Variants in LOC128092252 observed in about 807,000 individuals in gnomAD.
the LOC128092252 span, among the ~76,000 whole-genome samples, chr15:50,649,599 T>A: frequency 6.6e-6 from 1 of 152,124 alleles, no homozygotes; most frequent in Non-Finnish European, 1.5e-5. Context: ...ATTCCACGTA[T>A]ACAAAATTCA....
chr15:50,669,860 C>T, the LOC128092252 span, among the ~76,000 whole-genome samples: 2 of 152,146 alleles, frequency 1.3e-5, no homozygotes. Context: ...TCAGCGATCC[C>T]TTATCAGCAT....
chr15:50,658,111 T>C, the LOC128092252 span, among the ~76,000 whole-genome samples: 1 of 150,320 alleles, frequency 6.7e-6, no homozygotes, highest in African/African-American at 2.4e-5. Context: ...TTCACACCAC[T>C]CTCCTGCCTC....
chr15:50,663,886 C>T, the LOC128092252 span, among the ~76,000 whole-genome samples: 5 of 151,998 alleles, frequency 3.3e-5, no homozygotes, highest in African/African-American at 7.3e-5. Context: ...TCGCCTAAGC[C>T]GAGGAGGCTG....
At chr15:50,648,873 A>T in the LOC128092252 span, 1 of 1,606,728 alleles carries the variant, frequency 6.2e-7, no homozygotes, top group Middle Eastern at 1.7e-4. Flanking sequence ...TGACCAAGCG[A>T]CCACAAAAAC....
chr15:50,676,667 T>C, the LOC128092252 span, among the ~76,000 whole-genome samples: 1 of 152,052 alleles, frequency 6.6e-6, no homozygotes, highest in Non-Finnish European at 1.5e-5. Context: ...AGGAATGGTA[T>C]TGAGTGAGTT....
At chr15:50,673,077 A>C in the LOC128092252 span, among the ~76,000 whole-genome samples, 4 of 152,064 alleles carry the variant, frequency 2.6e-5, no homozygotes, top group Admixed American at 6.6e-5. Context: ...TTTATTATTG[A>C]ATAAAAAAAT....
the LOC128092252 span, among the ~76,000 whole-genome samples, chr15:50,668,292 T>A: frequency 2.6e-5 from 4 of 152,354 alleles, no homozygotes; most frequent in African/African-American, 9.6e-5. Context: ...TGGACTGAAT[T>A]AATGTAAGAC....
At chr15:50,662,864 T>A in the LOC128092252 span, 48 of 841,176 alleles carry the variant, frequency 5.7e-5, no homozygotes, top group Non-Finnish European at 7.7e-6. Flanking sequence ...TAACAGTAAG[T>A]ACAAATAATT....
chr15:50,666,495 C>T, the LOC128092252 span, among the ~76,000 whole-genome samples: 17 of 151,466 alleles, frequency 1.1e-4, no homozygotes, highest in Middle Eastern at 3.4e-3. Context: ...AAGAAGAAAA[C>T]GAAGAGGAAG....
chr15:50,655,013 AAAAAG>A, the LOC128092252 span, among the ~76,000 whole-genome samples: 1 of 149,942 alleles, frequency 6.7e-6, no homozygotes, highest in African/African-American at 2.4e-5. Context: ...AAAAAAAAAA[AAAAAG>A]AAAAGAAAAT....
the LOC128092252 span, among the ~76,000 whole-genome samples, chr15:50,674,776 G>A: frequency 0.35 from 53,122 of 151,952 alleles, 10,485 homozygotes; most frequent in Admixed American, 0.48. Flanking sequence ...ATTTCTAAAG[G>A]AGAGCTGTGC....
At chr15:50,650,609 C>T in the LOC128092252 span, among the ~76,000 whole-genome samples, 2 of 151,926 alleles carry the variant, frequency 1.3e-5, no homozygotes, top group Non-Finnish European at 2.9e-5. Context: ...GCAGGAGAAT[C>T]GCTTGAACCT....
chr15:50,680,524 G>C, the LOC128092252 span, among the ~76,000 whole-genome samples: 1 of 150,450 alleles, frequency 6.6e-6, no homozygotes, highest in Non-Finnish European at 1.5e-5. Flanking sequence ...AGCCAAGATC[G>C]CACCACTGAA....
the LOC128092252 span, among the ~76,000 whole-genome samples, chr15:50,672,432 TATC>T: frequency 6.6e-6 from 1 of 151,842 alleles, no homozygotes; most frequent in Non-Finnish European, 1.5e-5. Context: ...AAGGCACTGT[TATC>T]ATAGAAAATG....
At chr15:50,668,257 G>A in the LOC128092252 span, among the ~76,000 whole-genome samples, 1 of 152,280 alleles carries the variant, frequency 6.6e-6, no homozygotes, top group East Asian at 1.9e-4. Context: ...GAATGTTCAC[G>A]TGTATCAAAC....
the LOC128092252 span, among the ~76,000 whole-genome samples, chr15:50,676,509 A>T: frequency 2.0e-5 from 3 of 152,056 alleles, no homozygotes; most frequent in Non-Finnish European, 4.4e-5. Flanking sequence ...GCTTGAGGCC[A>T]GGAGTTTGAG....
chr15:50,662,730 G>C, the LOC128092252 span, among the ~76,000 whole-genome samples: 1 of 152,060 alleles, frequency 6.6e-6, no homozygotes, highest in Non-Finnish European at 1.5e-5. Flanking sequence ...TAGAGATGGA[G>C]GAACACTTCA....
chr15:50,671,465 C>T, the LOC128092252 span, among the ~76,000 whole-genome samples: 4,625 of 152,088 alleles, frequency 0.03, 251 homozygotes, highest in African/African-American at 0.1. Context: ...AATGATGGAC[C>T]GCATATTTAA....
the LOC128092252 span, among the ~76,000 whole-genome samples, chr15:50,669,237 T>C: frequency 6.6e-6 from 1 of 151,384 alleles, no homozygotes. Flanking sequence ...AGGTCTGGAG[T>C]TCGAGACCAG....
Sources: gnomAD v4.1 joint callset for allele counts (sites outside exome capture counted in the v4.1 genomes callset) on GRCh38, gnomAD v4.1.1 for gene constraint, MANE v1.5 for transcripts.